The following RELN variants were observed in gnomAD, a reference collection of about 807,000 sequenced individuals.
RELN encodes the protein reelin.
RELN carries 108 observed loss-of-function variants against 427.6 expected under a neutral mutation model. The observed-to-expected ratio is 0.25, with a 90% CI of 0.22 to 0.30. RELN has a LOEUF of 0.30. Among genes scored for constraint, RELN ranks in the 10% least tolerant of loss-of-function variants. RELN has a pLI of 1.00. For missense variants in RELN, 3,715 were observed against 4,302.8 expected (o/e 0.86, Z 3.82); for synonymous variants, 1,524 against 1,513.4 (o/e 1.01, Z -0.16).
chr7:103,680,224 G>C (rs943630497), intron 11 of RELN, among the ~76,000 whole-genome samples: 2 of 151,952 alleles, frequency 1.3e-5, no homozygotes, highest in Admixed American at 6.6e-5. Flanking sequence ...AGGAGGGAGA[G>C]AGAGACATAT....
At chr7:103,529,253 T>C (rs1829888565) in intron 46 of RELN, among the ~76,000 whole-genome samples, 1 of 152,220 alleles carries the variant, frequency 6.6e-6, no homozygotes. Context: ...GCACCTTTCC[T>C]TAGAACTTCC....
intron 24 of RELN, among the ~76,000 whole-genome samples, chr7:103,597,467 G>C (rs1301213137): frequency 1.3e-5 from 2 of 152,102 alleles, no homozygotes; most frequent in Non-Finnish European, 2.9e-5. Context: ...GCCAGGTATG[G>C]TGGCACACAC....
At chr7:103,979,018 G>A (rs894026005) in intron 1 of RELN, among the ~76,000 whole-genome samples, 1 of 152,136 alleles carries the variant, frequency 6.6e-6, no homozygotes, top group African/African-American at 2.4e-5. Flanking sequence ...TCTATATGTG[G>A]AACATCTCTA....
chr7:103,684,499 C>T lies in RELN; in HGVS notation c.1144-2238G>A, dbSNP rs115089117. Among the ~76,000 whole-genome samples the T allele has an allele frequency of 1.0e-3, 156 of 152,144 alleles. 1 individual carries two copies. The highest frequency in any genetic ancestry group is 3.6e-3 in the African/African-American group (149 of 41,500). On this transcript the variant is annotated intron_variant, in intron 10 of 64. Coordinates refer to ENST00000428762, the MANE Select transcript of RELN (RefSeq NM_005045.4). Reference sequence around the variant, plus strand: ...GAATCTAACTCAATTAAATTCAGCACCTACATGAAGTGAATAAATTAAGAT... The same window carrying T: ...GAATCTAACTCAATTAAATTCAGCATCTACATGAAGTGAATAAATTAAGAT...
intron 6 of RELN, among the ~76,000 whole-genome samples, chr7:103,746,164 G>A (rs1790822176): frequency 6.6e-6 from 1 of 151,956 alleles, no homozygotes. Flanking sequence ...CAAGCAATGG[G>A]GAAAGAATTC....
intron 10 of RELN, among the ~76,000 whole-genome samples, chr7:103,694,386 C>T (rs976708003): frequency 6.6e-6 from 1 of 151,970 alleles, no homozygotes; most frequent in African/African-American, 2.4e-5. Flanking sequence ...TATTTAACAC[C>T]TCTATGTTCC....
At chr7:103,655,491 C>T (rs1833005268) in intron 12 of RELN, among the ~76,000 whole-genome samples, 1 of 151,930 alleles carries the variant, frequency 6.6e-6, no homozygotes, top group African/African-American at 2.4e-5. Context: ...TAGTAAAATA[C>T]ACAAATAATG....
chr7:103,604,288 T>A, intron 23 of RELN, 58 bp downstream of exon 23: 2 of 1,605,870 alleles, frequency 1.2e-6, no homozygotes, highest in Non-Finnish European at 1.7e-6. Flanking sequence ...TGCTGTGGTA[T>A]CCTCCAGCCA....
At chr7:103,826,352 G>A (rs1407582874) in intron 3 of RELN, among the ~76,000 whole-genome samples, 2 of 145,580 alleles carry the variant, frequency 1.4e-5, no homozygotes, top group East Asian at 2.0e-4. Flanking sequence ...GTGTGTGTGT[G>A]TGTGTGTATA....
intron 6 of RELN, among the ~76,000 whole-genome samples, chr7:103,742,276 C>T (rs2116019690): frequency 6.6e-6 from 1 of 152,268 alleles, no homozygotes; most frequent in African/African-American, 2.4e-5. Context: ...ACGTCACCAT[C>T]ATCAAAGACC....
intron 11 of RELN, among the ~76,000 whole-genome samples, chr7:103,677,822 T>C (rs1439952033): frequency 1.3e-5 from 2 of 148,316 alleles, no homozygotes; most frequent in Non-Finnish European, 3.0e-5. Context: ...TTCACCTACT[T>C]AGCAGTCCTT....
Position 103,522,145 on chromosome 7 carries a change from T to G in RELN, c.7545A>C (p.Pro2515=), listed in dbSNP as rs745513785. Residue 2515 remains proline, a synonymous_variant, in exon 48 of 65, where the codon CCA becomes CCC. Coordinates refer to ENST00000428762, the MANE Select transcript of RELN (RefSeq NM_005045.4). Reference sequence around the variant, plus strand: ...GATTGAAGTTGTCTTTGAGTTGGGTTGGAAGAGAGGTCTCGGGGTCATCAC... The same window carrying G: ...GATTGAAGTTGTCTTTGAGTTGGGTGGGAAGAGAGGTCTCGGGGTCATCAC... ...LYCDDPETSL[P]TQLKDNFNRA... 1.9e-6 allele frequency: 3 copies of G among 1,614,132 alleles called. No individual in the cohort carries two copies. Among genetic ancestry groups the G allele is most frequent in the Non-Finnish European group, 2.5e-6 (3 of 1,180,038 alleles).
chr7:103,492,960 T>C (rs766000942), intron 57 of RELN, among the ~76,000 whole-genome samples: 1 of 152,182 alleles, frequency 6.6e-6, no homozygotes, highest in Non-Finnish European at 1.5e-5. Flanking sequence ...ATATCGTATA[T>C]GAAATATTCA....
chr7:103,688,403 A>G (rs1179791571), intron 10 of RELN, among the ~76,000 whole-genome samples: 6 of 152,112 alleles, frequency 3.9e-5, no homozygotes, highest in African/African-American at 1.4e-4. Context: ...AAAACCATCA[A>G]GTGAACTGCT....
intron 3 of RELN, among the ~76,000 whole-genome samples, chr7:103,826,807 T>A (rs1038738277): frequency 2.0e-5 from 3 of 152,116 alleles, no homozygotes; most frequent in Admixed American, 1.3e-4. Flanking sequence ...GTCTTTTTGC[T>A]TTCACAAACG....
At chr7:103,622,047 A>G (rs986670406) in intron 20 of RELN, among the ~76,000 whole-genome samples, 16 of 152,120 alleles carry the variant, frequency 1.1e-4, no homozygotes, top group African/African-American at 3.6e-4. Context: ...ATTGTCTCAG[A>G]CTGCTAAATT....
chr7:103,761,112 C>G (rs1004323527), intron 4 of RELN, among the ~76,000 whole-genome samples: 1 of 152,160 alleles, frequency 6.6e-6, no homozygotes, highest in Non-Finnish European at 1.5e-5. Context: ...TCTTCCCTCT[C>G]TGATTTTCCA....
chr7:103,830,465 T>C (rs1208887478), intron 3 of RELN, among the ~76,000 whole-genome samples: 2 of 151,966 alleles, frequency 1.3e-5, no homozygotes, highest in Non-Finnish European at 2.9e-5. Context: ...GCCTTACTTT[T>C]TGAGGTTAAT....
rs540431864 is a variant in RELN at position 103,573,610 on chromosome 7, T to C, written c.4511+482A>G. On this transcript the variant is annotated intron_variant, in intron 30 of 64. Transcript: ENST00000428762. This position sits in a 1 kb window ranked among gnomAD's most constrained non-coding sequence, Gnocchi z 4.4. ...GTTTTATTTTAGGTGTGCTATTATT[T>C]CATTTGATCTTAAAAACCAAACAGT... 9.2e-5 allele frequency among the ~76,000 whole-genome samples: 14 copies of C among 152,382 alleles called. No individual in the cohort carries two copies. Among genetic ancestry groups the C allele is most frequent in the Non-Finnish European group, 2.1e-4 (14 of 68,040 alleles).
Sources: gnomAD v4.1 joint callset for allele counts (sites outside exome capture counted in the v4.1 genomes callset) on GRCh38, gnomAD v4.1.1 for gene constraint, Gnocchi (gnomAD v3.1) non-coding constraint, MANE v1.5 for transcripts, NCBI Gene and HGNC (gene_info 2026-07-23, HGNC 2026-07-21) for gene names.